The following IFT52 variants were observed in gnomAD, a reference collection of about 807,000 sequenced individuals.
IFT52 encodes intraflagellar transport protein 52 homolog.
In IFT52, 44 loss-of-function variants were observed where a neutral mutation model predicts 54.4. The ratio of observed to expected loss-of-function variants is 0.81; its 90% confidence interval spans 0.63 to 1.04. IFT52 has a LOEUF of 1.04. Among genes scored for constraint, IFT52 ranks in the 50% least tolerant of loss-of-function variants. The pLI, the probability that IFT52 is intolerant of heterozygous loss-of-function variation, is 0.00. For missense variants in IFT52, 452 were observed against 523.6 expected (o/e 0.86, Z 1.33); for synonymous variants, 181 against 185.3 (o/e 0.98, Z 0.19).
At chr20:43,605,706 T>G (rs1982815366) in intron 6 of IFT52, among the ~76,000 whole-genome samples, 1 of 152,206 alleles carries the variant, frequency 6.6e-6, no homozygotes, top group Non-Finnish European at 1.5e-5. Flanking sequence ...TAGTTTATAA[T>G]GTTTTTCTTT....
intron 12 of IFT52, among the ~76,000 whole-genome samples, chr20:43,639,662 C>T (rs756410212): frequency 2.0e-5 from 3 of 151,524 alleles, no homozygotes; most frequent in African/African-American, 7.3e-5. Context: ...AAGAGCGAAA[C>T]TCCATCTAAA....
At chr20:43,610,597 G>A (rs1983360527) in intron 6 of IFT52, among the ~76,000 whole-genome samples, 1 of 151,884 alleles carries the variant, frequency 6.6e-6, no homozygotes, top group Admixed American at 6.6e-5. Context: ...AAATTAGCCA[G>A]GCGTGGTGGC....
intron 3 of IFT52, among the ~76,000 whole-genome samples, chr20:43,601,956 C>T (rs1230360122): frequency 6.6e-6 from 1 of 152,034 alleles, no homozygotes; most frequent in African/African-American, 2.4e-5. Context: ...CTAGGACTAA[C>T]GCTAGGGATC....
At chr20:43,632,592 A>G (rs755045875) in intron 10 of IFT52, among the ~76,000 whole-genome samples, 19 of 152,036 alleles carry the variant, frequency 1.2e-4, no homozygotes, top group Non-Finnish European at 2.8e-4. Flanking sequence ...TTTTTTGTTT[A>G]GTGTGTGCCT....
Position 43,642,595 on chromosome 20 carries a change from C to T in IFT52, c.1237C>T (p.Gln413Ter). Residue 413 changes from glutamine (Q) to a stop codon, truncating the protein, a stop_gained, in exon 13 of 14, where the codon CAA becomes TAA. Coordinates refer to ENST00000373030, the MANE Select transcript of IFT52 (RefSeq NM_016004.5). LOFTEE classifies it high-confidence loss of function. ...AKHILEHVFFQVVEFKKLNQE... is the reference protein window; with the variant it reads ...AKHILEHVFF ...ACATATCCTTGAGCACGTCTTCTTC[C>T]AAGTGGTGGAGTTCAAGAAATTGAA... is the stretch of plus-strand genomic sequence containing the variant. The T allele has an allele frequency of 1.2e-6, 2 of 1,614,092 alleles. No individual in the cohort carries two copies. The highest frequency in any genetic ancestry group is 1.7e-6 in the Non-Finnish European group (2 of 1,180,006).
At chr20:43,624,164 C>T in intron 10 of IFT52, 119 bp downstream of exon 10, 2 of 1,105,722 alleles carry the variant, frequency 1.8e-6, no homozygotes. Flanking sequence ...AACATGTTCT[C>T]AGATCTATGA....
chr20:43,637,543 G>A lies in IFT52; in HGVS notation c.1120+290G>A, dbSNP rs558284289. On this transcript the variant is annotated intron_variant, in intron 12 of 13. Coordinates refer to ENST00000373030, the MANE Select transcript of IFT52 (RefSeq NM_016004.5). ...CTCCCAGAGTGCTGGGATTACAGGC[G>A]TGAGCCACCATGCCTGGCCTAAGTT... Among the ~76,000 whole-genome samples the A allele has an allele frequency of 8.9e-4, 135 of 152,282 alleles. 1 individual carries two copies. The highest frequency in any genetic ancestry group is 1.1e-3 in the African/African-American group (45 of 41,562).
intron 10 of IFT52, among the ~76,000 whole-genome samples, chr20:43,633,611 G>T (rs540659644): frequency 6.6e-6 from 1 of 152,176 alleles, no homozygotes; most frequent in African/African-American, 2.4e-5. Context: ...GGGAGGTTGA[G>T]GCAGGAGCAT....
At chr20:43,616,382 G>T (rs1983857398) in intron 7 of IFT52, among the ~76,000 whole-genome samples, 1 of 151,690 alleles carries the variant, frequency 6.6e-6, no homozygotes, top group South Asian at 2.1e-4. Context: ...GATGGTGAGT[G>T]CCTGTAATCC....
At chr20:43,617,103 T>C (rs533395212) in intron 7 of IFT52, among the ~76,000 whole-genome samples, 1 of 152,172 alleles carries the variant, frequency 6.6e-6, no homozygotes, top group Non-Finnish European at 1.5e-5. Flanking sequence ...CCCTTTATAA[T>C]ATGAAATTTA....
intron 9 of IFT52, 148 bp downstream of exon 9, chr20:43,621,073 C>A: frequency 1.7e-6 from 1 of 587,822 alleles, no homozygotes; most frequent in South Asian, 2.8e-5. Context: ...AGATGAAGGC[C>A]ATATTGTAAA....
rs538455884 is a variant in IFT52 at position 43,618,714 on chromosome 20, C to G, written c.613-226C>G. 6.6e-5 allele frequency among the ~76,000 whole-genome samples: 10 copies of G among 152,132 alleles called. No homozygotes were observed. The South Asian group carries it at 1.9e-3, about 28-fold the overall frequency. On this transcript the variant is annotated intron_variant, in intron 7 of 13. Transcript: ENST00000373030. ...GGCCAGGCTGGTTTTGAACTCTCAACCTCAGGTGATCCGCCTGCCTCGGCC... is the reference window on the plus strand; with the variant it reads ...GGCCAGGCTGGTTTTGAACTCTCAAGCTCAGGTGATCCGCCTGCCTCGGCC...
At chr20:43,597,933 C>T (rs1257974489) in intron 3 of IFT52, among the ~76,000 whole-genome samples, 1 of 148,900 alleles carries the variant, frequency 6.7e-6, no homozygotes, top group Non-Finnish European at 1.5e-5. Flanking sequence ...TCTAGCAATT[C>T]CACTTCTGGG....
chr20:43,637,429 A>G (rs1985619971), intron 12 of IFT52, among the ~76,000 whole-genome samples, 176 bp downstream of exon 12: 1 of 151,998 alleles, frequency 6.6e-6, no homozygotes, highest in African/African-American at 2.4e-5. Context: ...CGCCCAGCTA[A>G]TTTTTGTATT....
chr20:43,594,534 A>G (rs1981780153), intron 1 of IFT52, among the ~76,000 whole-genome samples, 159 bp from the exon 2 acceptor site: 1 of 152,126 alleles, frequency 6.6e-6, no homozygotes, highest in South Asian at 2.1e-4. Context: ...ATGCTTTTGC[A>G]TTTCACTCTC....
intron 1 of IFT52, among the ~76,000 whole-genome samples, chr20:43,593,715 A>G (rs1007756297): frequency 2.0e-5 from 3 of 152,028 alleles, no homozygotes; most frequent in Non-Finnish European, 4.4e-5. Context: ...GACTACAGAT[A>G]TGTGCCACCA....
intron 9 of IFT52, among the ~76,000 whole-genome samples, chr20:43,621,332 A>G (rs567514735): frequency 1.3e-5 from 2 of 152,372 alleles, no homozygotes; most frequent in Admixed American, 6.5e-5. Context: ...TTCTAAAGGC[A>G]TTATAATAAT....
At chr20:43,633,440 T>C (rs1319476669) in intron 10 of IFT52, among the ~76,000 whole-genome samples, 2 of 151,852 alleles carry the variant, frequency 1.3e-5, no homozygotes, top group Non-Finnish European at 2.9e-5. Flanking sequence ...CTGGGCACAG[T>C]GGCTCACACC....
intron 3 of IFT52, 71 bp from the exon 4 acceptor site, chr20:43,603,689 G>T (rs1473091557): frequency 3.7e-6 from 5 of 1,347,012 alleles, no homozygotes; most frequent in Admixed American, 2.0e-5. Context: ...ATCTAGTTAA[G>T]GTCTTATTCA....
Sources: allele counts gnomAD v4.1 joint callset (sites outside exome capture counted in the v4.1 genomes callset), GRCh38; gene constraint gnomAD v4.1.1; transcripts MANE v1.5; gene names NCBI Gene and HGNC (gene_info 2026-07-23, HGNC 2026-07-21).